The following NCOA4 variants were observed in gnomAD, a reference collection of about 807,000 sequenced individuals.
The protein encoded by NCOA4 is 70 kDa AR-activator.
NCOA4 carries 31 observed loss-of-function variants against 69.5 expected under a neutral mutation model. The ratio of observed to expected loss-of-function variants is 0.45; its 90% CI spans 0.34 to 0.60. The LOEUF (loss-of-function observed/expected upper bound fraction) is 0.60, where lower values mean the gene tolerates loss of function less well. Among genes scored for constraint, NCOA4 ranks in the 20% least tolerant of loss-of-function variants. The probability of loss-of-function intolerance (pLI) is 0.02; values close to 1 mark genes in which losing one functional copy is unlikely to be tolerated. For synonymous variants in NCOA4, 228 were observed against 252.4 expected, an observed-to-expected ratio of 0.90 and a Z score of 0.92; for missense variants, 600 against 719.2, an observed-to-expected ratio of 0.83 and a Z score of 1.90.
chr10:46,028,251 T>A (rs1840264908), intron 1 of NCOA4, among the ~76,000 whole-genome samples: 1 of 152,118 alleles, frequency 6.6e-6, no homozygotes, highest in African/African-American at 2.4e-5. Flanking sequence ...TTGCCTCCAA[T>A]CCCCCTTAAT....
intron 1 of NCOA4, among the ~76,000 whole-genome samples, chr10:46,029,034 TA>T (rs1241509592): frequency 0.055 from 4,959 of 90,664 alleles, 194 homozygotes; most frequent in African/African-American, 0.13. Flanking sequence ...ACTGATTTAA[TA>T]AAAAAAAAAA....
intron 1 of NCOA4, among the ~76,000 whole-genome samples, chr10:46,024,277 C>G (rs1840045487): frequency 6.6e-6 from 1 of 152,198 alleles, no homozygotes. Flanking sequence ...GTCCTTTGTA[C>G]TAATTTACAT....
At chr10:46,014,267 T>G (rs1420046047) in intron 5 of NCOA4, among the ~76,000 whole-genome samples, 177 bp downstream of exon 5, 1 of 152,194 alleles carries the variant, frequency 6.6e-6, no homozygotes, top group Admixed American at 6.5e-5. Context: ...TCCGCCCTCC[T>G]CGGCCTCCCA....
Position 46,011,210 on chromosome 10 carries a change from C to T in NCOA4, c.715-4G>A. ...AATTGCAGGCTCTGGAAGAAGTCTA[C>T]ACAAAAAGTACACAGTATTAGTTTG... is the stretch of plus-strand genomic sequence containing the variant. On this transcript the variant is annotated splice_polypyrimidine_tract_variant and splice_region_variant and intron_variant, in intron 7 of 9. Coordinates refer to ENST00000581486, the MANE Select transcript of NCOA4 (RefSeq NM_001145263.2). 3 of 1,575,710 alleles carry T rather than the reference C, an allele frequency of 1.9e-6. No individual in the cohort carries two copies. Among genetic ancestry groups the T allele is most frequent in the Admixed American group, 1.9e-5 (1 of 51,364 alleles).
intron 8 of NCOA4, 33 bp from the exon 9 acceptor site, chr10:46,009,584 G>A (rs1228375322): frequency 3.2e-6 from 5 of 1,582,852 alleles, no homozygotes; most frequent in Admixed American, 1.8e-5. Flanking sequence ...GTTGCTTCAT[G>A]AAAACAAGGA....
Position 46,009,567 on chromosome 10 carries a change from A to C in NCOA4, c.1699-16T>G. 1 of 1,598,766 alleles carries C rather than the reference A, an allele frequency of 6.3e-7. No homozygotes were observed. Among genetic ancestry groups the C allele is most frequent in the Non-Finnish European group, 8.5e-7 (1 of 1,174,346 alleles). Reference sequence around the variant, plus strand: ...GTAATACTTCCTGCAATAAAAGAAAAGAGTAGGTTGCTTCATGAAAACAAG... The same window carrying C: ...GTAATACTTCCTGCAATAAAAGAAACGAGTAGGTTGCTTCATGAAAACAAG... On this transcript the variant is annotated splice_polypyrimidine_tract_variant and intron_variant, in intron 8 of 9. Coordinates refer to ENST00000581486, the MANE Select transcript of NCOA4 (RefSeq NM_001145263.2).
intron 1 of NCOA4, among the ~76,000 whole-genome samples, chr10:46,018,622 T>C (rs1839703633): frequency 1.3e-5 from 2 of 152,162 alleles, no homozygotes; most frequent in Non-Finnish European, 2.9e-5. Context: ...AAGAGACGTC[T>C]CCAGGAGGAC....
At position 46,012,759 on chromosome 10, in the gene NCOA4, C is replaced by G. The variant is rs576994990; in HGVS notation, c.714+124G>C. On this transcript the variant is annotated intron_variant, in intron 7 of 9. Coordinates refer to ENST00000581486, the MANE Select transcript of NCOA4 (RefSeq NM_001145263.2). Reference sequence around the variant, plus strand: ...TTCTAAACTTTCTATGATGAAGAGACTATTAATAAATATGTTTCCAGACTG... The same window carrying G: ...TTCTAAACTTTCTATGATGAAGAGAGTATTAATAAATATGTTTCCAGACTG... 1.2e-5 allele frequency: 11 copies of G among 890,974 alleles called. 1 individual carries two copies. The South Asian group carries it at 3.8e-4, about 31-fold the overall frequency. The allele number at this position is 890,974 out of a possible 1,614,324, so 55.2% of individuals were successfully genotyped here.
chr10:46,028,196 C>T (rs1840262362), intron 1 of NCOA4, among the ~76,000 whole-genome samples: 1 of 152,176 alleles, frequency 6.6e-6, no homozygotes, highest in South Asian at 2.1e-4. Context: ...CAGAGGTCAT[C>T]TTCTCATTGA....
chr10:46,014,855 T>C lies in NCOA4; in HGVS notation c.370A>G (p.Arg124Gly). 6.2e-7 allele frequency: 1 copy of C among 1,612,808 alleles called. No individual in the cohort carries two copies. The highest frequency in any genetic ancestry group is 8.5e-7 in the Non-Finnish European group (1 of 1,179,182). Reference protein sequence around the residue: ...LANQVSVCLERLGSLTLKPED... With the variant: ...LANQVSVCLEGLGSLTLKPED... ...AAAATACGCAAAAAGGGTCATTACC[T>C]CTCCAGGCACACAGAGACTTGATTG... Residue 124 changes from arginine (R) to glycine (G), a missense_variant and splice_region_variant, in exon 4 of 10, where the codon AGA becomes GGA. Arg to Gly is a moderately radical substitution (Grantham distance 125). Transcript: ENST00000581486.
Position 46,010,224 on chromosome 10 carries a change from T to G in NCOA4, c.1697A>C (p.Gln566Pro). 1 of 1,600,038 alleles carries G rather than the reference T, an allele frequency of 6.2e-7. No homozygotes were observed. Reference protein sequence around the residue: ...EDKWLLRKKAQEVLLNSPLQE... With the variant: ...EDKWLLRKKAPEVLLNSPLQE... The stretch of plus-strand genomic sequence containing the variant: ...TGCTATTTTGATGTTTATGCTCACC[T>G]GGGCCTTCTTTCGAAGCAGCCACTT... Residue 566 changes from glutamine to proline, a missense_variant and splice_region_variant, in exon 8 of 10, where the codon CAG (glutamine) becomes CCG (proline). Gln to Pro is a moderately conservative substitution (Grantham distance 76). Transcript: ENST00000581486.
chr10:46,017,269 G>A (rs1414108690), intron 1 of NCOA4, among the ~76,000 whole-genome samples: 2 of 152,196 alleles, frequency 1.3e-5, no homozygotes, highest in South Asian at 2.1e-4. Context: ...ACATAGGGCC[G>A]GGCACGGTGG....
intron 1 of NCOA4, among the ~76,000 whole-genome samples, chr10:46,021,718 G>T (rs1839878352): frequency 6.6e-6 from 1 of 152,180 alleles, no homozygotes; most frequent in South Asian, 2.1e-4. Context: ...CCAGCACTTT[G>T]GGAGGCCAAG....
chr10:46,009,045 C>T (rs1839027226), intron 9 of NCOA4: 19 of 897,352 alleles, frequency 2.1e-5, no homozygotes, highest in Non-Finnish European at 3.1e-5. Flanking sequence ...CTTTTATATG[C>T]AATGGGAAAC....
intron 1 of NCOA4, 45 bp from the exon 2 acceptor site, chr10:46,016,739 C>A: frequency 7.8e-7 from 1 of 1,288,188 alleles, no homozygotes; most frequent in Non-Finnish European, 1.0e-6. Context: ...TAATTACAAC[C>A]AAAAACCACC....
chr10:46,007,746 T>C (rs779225069), intron 9 of NCOA4, among the ~76,000 whole-genome samples: 1 of 151,920 alleles, frequency 6.6e-6, no homozygotes, highest in Non-Finnish European at 1.5e-5. Context: ...CGCTCCACCA[T>C]ACCCAGCTAA....
At position 46,010,501 on chromosome 10, in the gene NCOA4, G is replaced by C. The variant is rs1839141964; in HGVS notation, c.1420C>G (p.Pro474Ala). Residue 474 changes from proline to alanine, a missense_variant, in exon 8 of 10, where the codon CCA becomes GCA. Coordinates refer to ENST00000581486, the MANE Select transcript of NCOA4 (RefSeq NM_001145263.2). ...ATTCTAGAAGGAGTCATTGCCTTTGGTGCTTTAGTTTGTTCTATTACTTCT... is the reference window on the plus strand; with the variant it reads ...ATTCTAGAAGGAGTCATTGCCTTTGCTGCTTTAGTTTGTTCTATTACTTCT... ...RKEVIEQTKA[P>A]KAMTPSRIAD... The C allele has an allele frequency of 6.2e-7, 1 of 1,614,042 alleles. No homozygotes were observed. The highest frequency in any genetic ancestry group is 8.5e-7 in the Non-Finnish European group (1 of 1,180,046).
chr10:46,016,191 G>C (rs1228375820), intron 2 of NCOA4, among the ~76,000 whole-genome samples: 1 of 152,192 alleles, frequency 6.6e-6, no homozygotes. Context: ...ATGCAATCAA[G>C]AGGATGCAGC....
rs1838794480 is a variant in NCOA4 at position 46,006,109 on chromosome 10, CTA to C, written c.*481_*482del. 4.6e-6 allele frequency: 1 copy of C among 217,724 alleles called. No individual in the cohort carries two copies. The highest frequency in any genetic ancestry group is 9.2e-6 in the Non-Finnish European group (1 of 108,380). The allele number at this position is 217,724 out of a possible 1,614,324, so 13.5% of individuals were successfully genotyped here. A position where few individuals can be genotyped will look rare whatever the true frequency, so the allele number is the denominator to read the frequency against. On this transcript the variant is annotated 3_prime_UTR_variant, in exon 10 of 10. Coordinates refer to ENST00000581486, the MANE Select transcript of NCOA4 (RefSeq NM_001145263.2). ...GGTTAATTTTTTTGTGCAAAATACA[CTA>C]TGTATTAATAGAACAGGAAAATAAT... is the stretch of plus-strand genomic sequence containing the variant.
Sources: allele counts gnomAD v4.1 joint callset (sites outside exome capture counted in the v4.1 genomes callset), GRCh38; gene constraint gnomAD v4.1.1; transcripts MANE v1.5; gene names NCBI Gene and HGNC (gene_info 2026-07-23, HGNC 2026-07-21).